The following COMMD1 variants were observed in gnomAD, a reference collection of about 807,000 sequenced individuals.
COMMD1 encodes the protein COMM domain-containing protein 1.
COMMD1 carries 10 observed loss-of-function variants against 17.2 expected under a neutral mutation model. That is an observed-to-expected ratio of 0.58 (90% confidence interval 0.36 to 0.99). The LOEUF (loss-of-function observed/expected upper bound fraction) is 0.99, where lower values mean the gene tolerates loss of function less well. Ranked by LOEUF, COMMD1 falls within the 50% of genes least tolerant of loss-of-function variation. The pLI is 0.01. For synonymous variants in COMMD1, 97 were observed against 91.6 expected (o/e 1.06, Z -0.34); for missense variants, 270 against 231.8 (o/e 1.17, Z -1.07).
chr2:62,027,040 A>T (rs1669778277), intron 2 of COMMD1, among the ~76,000 whole-genome samples: 1 of 151,974 alleles, frequency 6.6e-6, no homozygotes, highest in Admixed American at 6.6e-5. Context: ...TTTTGTATTT[A>T]TTTAGTGATA....
At chr2:62,009,129 A>G (rs933631733) in intron 2 of COMMD1, among the ~76,000 whole-genome samples, 2 of 152,134 alleles carry the variant, frequency 1.3e-5, no homozygotes, top group African/African-American at 2.4e-5. Context: ...TCCATTTCGT[A>G]TTTTATATCA....
intron 2 of COMMD1, among the ~76,000 whole-genome samples, chr2:62,072,989 C>A (rs1282604260): frequency 6.6e-6 from 1 of 152,218 alleles, no homozygotes; most frequent in Non-Finnish European, 1.5e-5. Flanking sequence ...TGAGTGCAGT[C>A]CGCCAGGCCG....
At chr2:62,121,967 A>AT (rs1672762010) in intron 2 of COMMD1, among the ~76,000 whole-genome samples, 1 of 151,814 alleles carries the variant, frequency 6.6e-6, no homozygotes, top group African/African-American at 2.4e-5. Flanking sequence ...AATTTTTTGT[A>AT]TTTTTTGTAG....
intron 2 of COMMD1, chr2:62,118,171 G>T (rs1013761077): frequency 5.9e-5 from 9 of 152,176 alleles, no homozygotes; most frequent in Non-Finnish European, 1.3e-4. Context: ...TGACTGGAAG[G>T]ATGTGCTTTG....
chr2:62,090,196 A>G (rs1315363667), intron 2 of COMMD1, among the ~76,000 whole-genome samples: 1 of 149,670 alleles, frequency 6.7e-6, no homozygotes, highest in Non-Finnish European at 1.5e-5. Flanking sequence ...TACAAGAGAT[A>G]TATAATCCTA....
intron 2 of COMMD1, among the ~76,000 whole-genome samples, chr2:62,108,485 G>T (rs552569177): frequency 2.0e-4 from 31 of 152,218 alleles, no homozygotes; most frequent in Middle Eastern, 3.4e-3. Flanking sequence ...ACAAAAAAGG[G>T]GTTTGAGCTT....
upstream of COMMD1, chr2:61,888,541 A>T (rs768099756): frequency 6.2e-7 from 1 of 1,601,100 alleles, no homozygotes; most frequent in East Asian, 2.2e-5. Flanking sequence ...TGGCTCGGGA[A>T]GGACGGATGG....
At chr2:62,110,663 A>G (rs192019793) in intron 2 of COMMD1, among the ~76,000 whole-genome samples, 2 of 152,264 alleles carry the variant, frequency 1.3e-5, no homozygotes, top group African/African-American at 4.8e-5. Flanking sequence ...TCTCTGTGTT[A>G]GATGGCAAAT....
chr2:62,050,930 G>A (rs910957043), intron 2 of COMMD1, among the ~76,000 whole-genome samples: 1 of 151,922 alleles, frequency 6.6e-6, no homozygotes, highest in African/African-American at 2.4e-5. Context: ...CCTTAAAATT[G>A]GCAGCTTTTT....
chr2:62,033,655 A>T (rs184729532), intron 2 of COMMD1, among the ~76,000 whole-genome samples: 15 of 152,226 alleles, frequency 9.9e-5, no homozygotes, highest in African/African-American at 3.6e-4. Context: ...TATTTGTTTG[A>T]TTTGCCCTGC....
At chr2:61,948,313 G>A (rs1444479492) in intron 1 of COMMD1, among the ~76,000 whole-genome samples, 1 of 151,940 alleles carries the variant, frequency 6.6e-6, no homozygotes. Context: ...TTTTTTCTAT[G>A]TCCTGCAGGC....
intron 2 of COMMD1, among the ~76,000 whole-genome samples, chr2:62,039,884 T>C (rs964043712): frequency 2.7e-4 from 41 of 152,232 alleles, no homozygotes; most frequent in African/African-American, 9.4e-4. Context: ...CATGTAGTTT[T>C]ATTGCCCAAA....
intron 2 of COMMD1, among the ~76,000 whole-genome samples, chr2:62,010,943 T>G (rs1158529393): frequency 1.3e-5 from 2 of 152,222 alleles, no homozygotes; most frequent in African/African-American, 4.8e-5. Flanking sequence ...CCAGTGGCTT[T>G]CTGTGTCAGT....
intron 1 of COMMD1, among the ~76,000 whole-genome samples, chr2:61,942,578 T>G (rs999081888): frequency 7.0e-6 from 1 of 142,366 alleles, no homozygotes; most frequent in African/African-American, 2.6e-5. Flanking sequence ...CTCACTCTGT[T>G]GCCCAGGCTG....
intron 2 of COMMD1, among the ~76,000 whole-genome samples, chr2:62,114,081 G>A (rs1486205725): frequency 6.6e-6 from 1 of 152,126 alleles, no homozygotes; most frequent in Admixed American, 6.5e-5. Context: ...TTATCCATAG[G>A]TAGCATTTTA....
intron 1 of COMMD1, among the ~76,000 whole-genome samples, chr2:61,999,527 T>C (rs1668862726): frequency 1.3e-5 from 2 of 152,212 alleles, no homozygotes. Flanking sequence ...CAAGCCTGGC[T>C]ATAAGGCATT....
chr2:61,906,541 G>A (rs867118923), intron 1 of COMMD1, among the ~76,000 whole-genome samples: 1 of 151,690 alleles, frequency 6.6e-6, no homozygotes, highest in Admixed American at 6.6e-5. Flanking sequence ...CACATATCTC[G>A]GACTTGCCAA....
At chr2:62,018,367 T>C (rs1669512463) in intron 2 of COMMD1, among the ~76,000 whole-genome samples, 1 of 152,188 alleles carries the variant, frequency 6.6e-6, no homozygotes, top group Non-Finnish European at 1.5e-5. Context: ...AATAAAAAAC[T>C]AAAAGTAGTA....
chr2:62,110,666 T>C (rs1017701655), intron 2 of COMMD1, among the ~76,000 whole-genome samples: 1 of 152,168 alleles, frequency 6.6e-6, no homozygotes, highest in Non-Finnish European at 1.5e-5. Context: ...CTGTGTTAGA[T>C]GGCAAATAGG....
Sources: allele counts gnomAD v4.1 joint callset (sites outside exome capture counted in the v4.1 genomes callset), GRCh38; gene constraint gnomAD v4.1.1; transcripts MANE v1.5; gene names NCBI Gene and HGNC (gene_info 2026-07-23, HGNC 2026-07-21).